ABCC4: variants seen among roughly 807,000 people sequenced by gnomAD.
ABCC4 encodes the protein ATP-binding cassette sub-family C member 4.
In ABCC4, 102 loss-of-function variants were observed where a neutral mutation model predicts 168.5. The ratio of observed to expected loss-of-function variants is 0.61; its 90% CI spans 0.52 to 0.71. ABCC4 has a LOEUF of 0.71. ABCC4 is among the 30% of genes least tolerant of loss of function. The pLI, the probability that ABCC4 is intolerant of heterozygous loss-of-function variation, is 0.00. For synonymous variants in ABCC4, 617 were observed against 590.7 expected, an observed-to-expected ratio of 1.04 and a Z score of -0.65; for missense variants, 1,402 against 1,605.8, an observed-to-expected ratio of 0.87 and a Z score of 2.17.
At chr13:95,269,839 G>C (rs2138876761) in intron 1 of ABCC4, among the ~76,000 whole-genome samples, 1 of 152,144 alleles carries the variant, frequency 6.6e-6, no homozygotes, top group South Asian at 2.1e-4. Context: ...GGTTTTGCAA[G>C]AAAAGAAAAG....
intron 29 of ABCC4, among the ~76,000 whole-genome samples, chr13:95,035,489 G>A (rs1023880372): frequency 6.6e-6 from 1 of 152,190 alleles, no homozygotes; most frequent in Admixed American, 6.5e-5. Context: ...TTAAGAAATT[G>A]AGCTCCAAAT....
intron 11 of ABCC4, among the ~76,000 whole-genome samples, chr13:95,181,458 C>T (rs952491439): frequency 2.0e-5 from 3 of 152,238 alleles, no homozygotes; most frequent in East Asian, 3.9e-4. Flanking sequence ...ATGAAACTAA[C>T]CTGCAGTCCC....
At chr13:95,280,413 T>A (rs1457209931) in intron 1 of ABCC4, among the ~76,000 whole-genome samples, 2 of 73,812 alleles carry the variant, frequency 2.7e-5, no homozygotes, top group African/African-American at 9.2e-5. Flanking sequence ...TGAGACTCCA[T>A]CTCAAAAAAA....
At chr13:95,198,779 T>TA (rs1221800984) in intron 8 of ABCC4, among the ~76,000 whole-genome samples, 3 of 152,012 alleles carry the variant, frequency 2.0e-5, no homozygotes, top group African/African-American at 4.8e-5. Context: ...TATGCAGCCA[T>TA]AAAAAAGGAT....
intron 26 of ABCC4, among the ~76,000 whole-genome samples, chr13:95,058,934 A>G (rs983929764): frequency 1.3e-5 from 2 of 152,250 alleles, no homozygotes; most frequent in Non-Finnish European, 2.9e-5. Context: ...CCAATGGATC[A>G]TGAAATCACT....
At position 95,221,701 on chromosome 13, in the gene ABCC4, G is replaced by C. The variant is rs572618131; in HGVS notation, c.532-10920C>G. On this transcript the variant is annotated intron_variant, in intron 4 of 30. Coordinates refer to ENST00000645237, the MANE Select transcript of ABCC4 (RefSeq NM_005845.5). The stretch of plus-strand genomic sequence containing the variant: ...AAAAACATTTTCAGGGCAGGGCAAT[G>C]AAAAAATGTAAAAATTTGCTATAAC... Among the ~76,000 whole-genome samples, 78 of 149,284 alleles carry C rather than the reference G, an allele frequency of 5.2e-4. No homozygotes were observed. In the South Asian group the frequency reaches 7.8e-3, roughly 15 times the overall value.
At chr13:95,267,899 C>A (rs753177647) in intron 1 of ABCC4, among the ~76,000 whole-genome samples, 20 of 152,102 alleles carry the variant, frequency 1.3e-4, no homozygotes, top group Admixed American at 3.3e-4. Context: ...TGAGATCAAT[C>A]CCACAGCCAA....
rs546291175 is a variant in ABCC4, at chr13:95,268,855, T to C, written c.75-21102A>G. ...AGACCGGTGCCTGGGGCGCGGGTCC[T>C]GGCGCGGGTTCTCCGTATTCTGAGC... On this transcript the variant is annotated intron_variant, in intron 1 of 30. Transcript: ENST00000645237. Among the ~76,000 whole-genome samples the C allele has an allele frequency of 5.9e-5, 9 of 152,060 alleles. No homozygotes were observed. In the East Asian group the frequency reaches 1.7e-3, roughly 30 times the overall value.
chr13:95,256,617 G>C (rs1455133072), intron 1 of ABCC4, among the ~76,000 whole-genome samples: 2 of 152,098 alleles, frequency 1.3e-5, no homozygotes, highest in East Asian at 3.9e-4. Context: ...AACTGGCCAG[G>C]TGTGGTGGCA....
intron 30 of ABCC4, 138 bp downstream of exon 30, chr13:95,034,467 C>A: frequency 3.9e-6 from 5 of 1,281,100 alleles, no homozygotes; most frequent in Non-Finnish European, 4.2e-6. Context: ...GCCGTTAAGA[C>A]CCACTCATGA....
chr13:95,097,078 G>A (rs2034625038), intron 20 of ABCC4, among the ~76,000 whole-genome samples: 1 of 152,032 alleles, frequency 6.6e-6, no homozygotes, highest in Non-Finnish European at 1.5e-5. Flanking sequence ...TTATATAATA[G>A]TAAGATTATT....
intron 19 of ABCC4, among the ~76,000 whole-genome samples, chr13:95,153,433 T>C (rs1267089280): frequency 6.6e-6 from 1 of 152,210 alleles, no homozygotes; most frequent in Admixed American, 6.5e-5. Flanking sequence ...GCCACGGACA[T>C]TAGACTGAAG....
chr13:95,041,519 C>T (rs1419392232), intron 29 of ABCC4, among the ~76,000 whole-genome samples: 2 of 152,124 alleles, frequency 1.3e-5, no homozygotes, highest in Non-Finnish European at 2.9e-5. Flanking sequence ...TGGTTATGTC[C>T]TTCATTAACA....
rs11568708 is a variant in ABCC4 at position 95,074,284 on chromosome 13, G to A, written c.2847C>T (p.Ala949=). 987 of 1,613,804 alleles carry A rather than the reference G, an allele frequency of 6.1e-4. 1 individual carries two copies. The African/African-American group carries it at 0.012, about 19-fold the overall frequency. ...TGGCACAGATGGCATCCAGACGGACGGCAAACCAGCGGGACGTTGTCAAAA... is the reference window on the plus strand; with the variant it reads ...TGGCACAGATGGCATCCAGACGGACAGCAAACCAGCGGGACGTTGTCAAAA... ...FLFLTTSRWF[A]VRLDAICAMF... The change falls in exon 23 of 31, where the codon GCC becomes GCT. Residue 949 remains alanine (A), a synonymous_variant. Transcript: ENST00000645237.
chr13:95,023,423 G>A (rs1470837592), intron 30 of ABCC4, among the ~76,000 whole-genome samples: 1 of 152,170 alleles, frequency 6.6e-6, no homozygotes, highest in East Asian at 1.9e-4. Context: ...TTACAGTGCA[G>A]GTGATGAAGG....
At chr13:95,109,337 C>T (rs2035121788) in intron 20 of ABCC4, among the ~76,000 whole-genome samples, 1 of 151,854 alleles carries the variant, frequency 6.6e-6, no homozygotes, top group Non-Finnish European at 1.5e-5. Context: ...TTCGCTGGTC[C>T]TTAAAGGATG....
chr13:95,064,252 GTGTGTGTGTATATATATATATA>G (rs1489122246), intron 25 of ABCC4, among the ~76,000 whole-genome samples: 3,895 of 118,132 alleles, frequency 0.033, 199 homozygotes, highest in African/African-American at 0.1. Flanking sequence ...CCGGGTGTGT[GTGTGTGTGTATATATATATATA>G]TATATATATA....
At chr13:95,071,590 C>T in intron 25 of ABCC4, 72 bp downstream of exon 25, 2 of 1,306,960 alleles carry the variant, frequency 1.5e-6, no homozygotes, top group Non-Finnish European at 2.0e-6. Flanking sequence ...CACACATCCA[C>T]AAGGAAGACA....
chr13:95,180,212 CTT>C (rs1158414986), intron 11 of ABCC4, among the ~76,000 whole-genome samples: 1 of 152,170 alleles, frequency 6.6e-6, no homozygotes, highest in Non-Finnish European at 1.5e-5. Flanking sequence ...CACGTTATCT[CTT>C]TGTTGAGCTC....
Sources: allele counts gnomAD v4.1 joint callset (sites outside exome capture counted in the v4.1 genomes callset), GRCh38; gene constraint gnomAD v4.1.1; transcripts MANE v1.5; gene names NCBI Gene and HGNC (gene_info 2026-07-23, HGNC 2026-07-21).